The following PCSK5 variants were observed in gnomAD, a reference collection of about 807,000 sequenced individuals.
PCSK5 encodes the protein prohormone convertase 5.
A neutral mutation model predicts 233.2 loss-of-function variants in PCSK5; 129 were observed. That is an observed-to-expected ratio of 0.55 (90% CI 0.48 to 0.64). The LOEUF (loss-of-function observed/expected upper bound fraction) is 0.64, where lower values mean the gene tolerates loss of function less well. Among genes scored for constraint, PCSK5 ranks in the 30% least tolerant of loss-of-function variants. The pLI, the probability that PCSK5 is intolerant of heterozygous loss-of-function variation, is 0.00. For synonymous variants in PCSK5, 825 were observed against 879.2 expected (o/e 0.94, Z 1.09); for missense variants, 2,076 against 2,430.1 (o/e 0.85, Z 3.06).
intron 36 of PCSK5, among the ~76,000 whole-genome samples, chr9:76,352,820 G>T (rs1587370027): frequency 6.6e-6 from 1 of 151,732 alleles, no homozygotes; most frequent in East Asian, 1.9e-4. Flanking sequence ...GAGGCTCAAA[G>T]AGGTTAAACA....
intron 24 of PCSK5, among the ~76,000 whole-genome samples, chr9:76,252,680 G>A (rs1376303488): frequency 6.6e-6 from 1 of 152,174 alleles, no homozygotes; most frequent in Admixed American, 6.5e-5. Context: ...TCTATTATAA[G>A]TATGTGATTG....
intron 5 of PCSK5, among the ~76,000 whole-genome samples, chr9:76,056,155 A>G (rs915234891): frequency 9.2e-5 from 14 of 152,182 alleles, no homozygotes; most frequent in African/African-American, 3.4e-4. Context: ...GTTCCAAGAA[A>G]AGAGTGAAAT....
At chr9:76,160,436 AT>A (rs1210231366) in intron 12 of PCSK5, among the ~76,000 whole-genome samples, 2 of 151,564 alleles carry the variant, frequency 1.3e-5, no homozygotes, top group Admixed American at 6.6e-5. Context: ...AGCTTCTTTG[AT>A]TTTTTTTTCT....
At chr9:76,061,593 T>G (rs1347856724) in intron 5 of PCSK5, among the ~76,000 whole-genome samples, 3 of 152,176 alleles carry the variant, frequency 2.0e-5, no homozygotes, top group Non-Finnish European at 4.4e-5. Flanking sequence ...TAATAATTGC[T>G]AGATTTGGGG....
At chr9:76,046,155 C>CTTTTGTTTTT (rs1243105138) in intron 5 of PCSK5, among the ~76,000 whole-genome samples, 2 of 55,700 alleles carry the variant, frequency 3.6e-5, no homozygotes, top group East Asian at 5.5e-4. Context: ...ATAATTTTTT[C>CTTTTGTTTTT]TTTTGTTTTT....
chr9:75,999,856 T>C (rs768447970), intron 3 of PCSK5, among the ~76,000 whole-genome samples: 9 of 152,184 alleles, frequency 5.9e-5, no homozygotes, highest in Non-Finnish European at 1.3e-4. Context: ...ATTTAGGACA[T>C]AGGCATGGGC....
At chr9:76,079,658 T>C (rs1830765305) in intron 7 of PCSK5, among the ~76,000 whole-genome samples, 1 of 152,214 alleles carries the variant, frequency 6.6e-6, no homozygotes, top group Non-Finnish European at 1.5e-5. Flanking sequence ...TTTTTATTTC[T>C]TTCTCTTGTC....
At chr9:75,931,492 G>A (rs1046273732) in intron 1 of PCSK5, among the ~76,000 whole-genome samples, 2 of 152,156 alleles carry the variant, frequency 1.3e-5, no homozygotes, top group Non-Finnish European at 2.9e-5. Context: ...CTTAGTGTAT[G>A]TTATTTAGCT....
At chr9:76,059,700 G>T (rs1226838332) in intron 5 of PCSK5, among the ~76,000 whole-genome samples, 1 of 152,088 alleles carries the variant, frequency 6.6e-6, no homozygotes, top group African/African-American at 2.4e-5. Context: ...TTTTCAGAGA[G>T]TATAGCTGAA....
At position 76,296,870 on chromosome 9, in the gene PCSK5, G is replaced by A. The variant is rs1828456125; in HGVS notation, c.3523+5G>A. ...AGGAGGGCAAATTCTGGAATGGTAT[G>A]TGCCCCCCAAAAAAGAGGTCACAGG... On this transcript the variant is annotated splice_donor_5th_base_variant and intron_variant, in intron 27 of 37. Transcript: ENST00000674117. The A allele has an allele frequency of 3.8e-6, 6 of 1,588,234 alleles. No homozygotes were observed. Among genetic ancestry groups the A allele is most frequent in the Non-Finnish European group, 4.3e-6 (5 of 1,167,638 alleles).
chr9:76,081,565 G>T (rs771004142), intron 7 of PCSK5, among the ~76,000 whole-genome samples: 20 of 152,088 alleles, frequency 1.3e-4, no homozygotes, highest in Non-Finnish European at 1.6e-4. Context: ...TTTAACCACG[G>T]TTCTCAACTT....
chr9:76,319,833 A>G (rs1276656146), intron 30 of PCSK5, among the ~76,000 whole-genome samples: 2 of 152,210 alleles, frequency 1.3e-5, no homozygotes, highest in Admixed American at 1.3e-4. Context: ...TTCATAGTAG[A>G]TAGCGGTAGA....
intron 20 of PCSK5, among the ~76,000 whole-genome samples, chr9:76,203,677 C>G (rs1364799464): frequency 6.6e-6 from 1 of 152,084 alleles, no homozygotes; most frequent in African/African-American, 2.4e-5. Context: ...AGCTGTCTTA[C>G]CTACAGAACT....
Position 75,986,169 on chromosome 9 carries a change from C to G in PCSK5, c.335C>G (p.Thr112Arg). 1 of 1,613,656 alleles carries G rather than the reference C, an allele frequency of 6.2e-7. No individual in the cohort carries two copies. The highest frequency in any genetic ancestry group is 8.5e-7 in the Non-Finnish European group (1 of 1,179,582). Residue 112 changes from threonine to arginine, a missense_variant, in exon 3 of 38, where the codon ACA becomes AGA. Thr to Arg is a moderately conservative substitution (Grantham distance 71, BLOSUM62 -1). Coordinates refer to ENST00000674117, the MANE Select transcript of PCSK5 (RefSeq NM_001372043.1). ...WIQQQVVKKR[T>R]KRDYDFSRAQ... ...CAACAGCAAGTGGTAAAAAAGCGGACAAAGAGGGATTATGACTTCAGTCGT... is the reference window on the plus strand; with the variant it reads ...CAACAGCAAGTGGTAAAAAAGCGGAGAAAGAGGGATTATGACTTCAGTCGT...
At chr9:76,012,234 T>C (rs1827757408) in intron 3 of PCSK5, among the ~76,000 whole-genome samples, 1 of 152,198 alleles carries the variant, frequency 6.6e-6, no homozygotes. Context: ...CATTATGCAA[T>C]AGATATATGT....
At chr9:76,065,104 A>G (rs75144358) in intron 5 of PCSK5, among the ~76,000 whole-genome samples, 5,161 of 152,350 alleles carry the variant, frequency 0.034, 258 homozygotes, top group African/African-American at 0.11. Flanking sequence ...TGCAGTAAAC[A>G]TAAGTGTGCA....
rs543361179 is a variant in PCSK5, at chr9:76,180,087, G to GTGTATATATATATATA, written c.2003+390_2003+391insGTATATATATATATAT. ...TGTTTATATATATATGTGTGTGTGT[G>GTGTATATATATATATA]TATATATATATATATATACACACAC... On this transcript the variant is annotated intron_variant, in intron 15 of 37. Coordinates refer to ENST00000674117, the MANE Select transcript of PCSK5 (RefSeq NM_001372043.1). Among the ~76,000 whole-genome samples, 96 of 132,596 alleles carry GTGTATATATATATATA rather than the reference G, an allele frequency of 7.2e-4. 1 individual carries two copies. Among genetic ancestry groups the GTGTATATATATATATA allele is most frequent in the African/African-American group, 2.7e-3 (94 of 34,620 alleles). 87.0% of individuals were successfully genotyped at this position (132,596 alleles called of 152,430 possible). A position where few individuals can be genotyped will look rare whatever the true frequency, so the allele number is the denominator to read the frequency against.
chr9:76,279,957 C>T (rs1336234814), intron 24 of PCSK5, among the ~76,000 whole-genome samples: 1 of 151,868 alleles, frequency 6.6e-6, no homozygotes, highest in Non-Finnish European at 1.5e-5. Context: ...GTTGCCATTG[C>T]TTTTGGTGTT....
At chr9:76,269,021 A>G (rs1313679237) in intron 24 of PCSK5, among the ~76,000 whole-genome samples, 11 of 152,176 alleles carry the variant, frequency 7.2e-5, no homozygotes, top group African/African-American at 2.7e-4. Flanking sequence ...TGAAATTCAT[A>G]TCTACAAGTG....
Sources: gnomAD v4.1 joint callset for allele counts (sites outside exome capture counted in the v4.1 genomes callset) on GRCh38, gnomAD v4.1.1 for gene constraint, MANE v1.5 for transcripts, NCBI Gene and HGNC (gene_info 2026-07-23, HGNC 2026-07-21) for gene names.